The following P2RY10 variants were observed in gnomAD, a reference collection of about 807,000 sequenced individuals.
P2RY10 encodes P2Y receptor family member 10.
In P2RY10, 4 loss-of-function variants were observed where a neutral mutation model predicts 12.1. The ratio of observed to expected loss-of-function variants is 0.33; its 90% CI spans 0.16 to 0.76. The LOEUF is 0.76. P2RY10 is among the 30% of genes least tolerant of loss of function. The pLI is 0.61. For synonymous variants in P2RY10, 112 were observed against 94.1 expected (o/e 1.19, Z -1.10); for missense variants, 233 against 264.6 (o/e 0.88, Z 0.83).
intron 3 of P2RY10, among the ~76,000 whole-genome samples, chrX:78,953,655 G>A (rs1922207490): frequency 1.8e-5 from 2 of 111,088 alleles, no homozygotes; most frequent in South Asian, 7.6e-4. Flanking sequence ...TAATCTAATA[G>A]GGTGACCAAC....
chrX:78,948,301 A>T (rs1490208156), intron 2 of P2RY10, among the ~76,000 whole-genome samples: 1 of 111,945 alleles, frequency 8.9e-6, no homozygotes, highest in Admixed American at 9.5e-5. Context: ...TGCTACAACT[A>T]CACTTCTTAG....
intron 3 of P2RY10, among the ~76,000 whole-genome samples, chrX:78,958,121 A>G (rs760151248): frequency 1.8e-5 from 2 of 112,668 alleles, no homozygotes; most frequent in Non-Finnish European, 3.8e-5. Flanking sequence ...ACAGTGTGGC[A>G]TAAGTAGGGA....
chrX:78,957,379 CACACACACAG>C (rs1207337660), intron 3 of P2RY10, among the ~76,000 whole-genome samples: 7 of 99,261 alleles, frequency 7.1e-5, no homozygotes, highest in East Asian at 3.1e-4. Context: ...CACACACACA[CACACACACAG>C]AGAGAGAGAG....
chrX:78,960,250 A>C (rs377698736), intron 3 of P2RY10, among the ~76,000 whole-genome samples: 1 of 112,234 alleles, frequency 8.9e-6, no homozygotes, highest in South Asian at 3.7e-4. Flanking sequence ...ATTTCAAGAC[A>C]TCTTAGCCTG....
intron 1 of P2RY10, among the ~76,000 whole-genome samples, chrX:78,946,489 G>A (rs1324562312): frequency 8.9e-6 from 1 of 112,242 alleles, no homozygotes; most frequent in East Asian, 2.8e-4. Flanking sequence ...TGGATAGAAT[G>A]ATACCAGATT....
chrX:78,948,829 T>C (rs1186896868), intron 2 of P2RY10, among the ~76,000 whole-genome samples: 1 of 112,279 alleles, frequency 8.9e-6, no homozygotes, highest in African/African-American at 3.2e-5. Flanking sequence ...GAGTATTACA[T>C]AGTGTATATA....
intron 3 of P2RY10, among the ~76,000 whole-genome samples, chrX:78,957,425 G>A (rs1163999250): frequency 9.4e-6 from 1 of 106,682 alleles, no homozygotes; most frequent in East Asian, 2.9e-4. Flanking sequence ...GAGAGGGATG[G>A]GGTGAGGGAA....
chrX:78,956,470 C>T (rs1315673078), intron 3 of P2RY10, among the ~76,000 whole-genome samples: 1 of 110,968 alleles, frequency 9.0e-6, no homozygotes, highest in African/African-American at 3.3e-5. Context: ...TTTATATGTT[C>T]TTTGAATGCT....
At chrX:78,956,654 T>C (rs1462154205) in intron 3 of P2RY10, among the ~76,000 whole-genome samples, 1 of 110,121 alleles carries the variant, frequency 9.1e-6, no homozygotes, top group Non-Finnish European at 1.9e-5. Flanking sequence ...GAGTGTGTAA[T>C]GATGTATAGG....
chrX:78,948,635 G>C (rs1286213116), intron 2 of P2RY10, among the ~76,000 whole-genome samples: 2 of 111,071 alleles, frequency 1.8e-5, no homozygotes, highest in Non-Finnish European at 1.9e-5. Context: ...CCTCTTCTGA[G>C]TCTCTAGATT....
In P2RY10 at chrX:78,961,059, C is replaced by A. The variant is rs1467694554; in HGVS notation, c.539C>A (p.Ser180Tyr). The change falls in exon 4 of 4, where the codon TCC becomes TAC. Residue 180 changes from serine to tyrosine, a missense_variant. By Grantham distance (144) the Ser-to-Tyr change is moderately radical. Coordinates refer to ENST00000171757, the MANE Select transcript of P2RY10 (RefSeq NM_014499.4). ...AGCACAGACTTAAACAACAACAAGT[C>A]CTGCTTTGCTGATCTTGGATACAAG... ...LRSTDLNNNK[S>Y]CFADLGYKQM... 8.3e-7 allele frequency: 1 copy of A among 1,210,886 alleles called. No homozygotes were observed.
chrX:78,952,372 G>A (rs1922144547), intron 3 of P2RY10, 37 bp downstream of exon 3: 2 of 708,139 alleles, frequency 2.8e-6, no homozygotes, highest in Non-Finnish European at 3.3e-6. Context: ...GCTGGCATTG[G>A]AGGCACTGGG....
chrX:78,954,755 C>G (rs1922258202), intron 3 of P2RY10, among the ~76,000 whole-genome samples: 1 of 112,293 alleles, frequency 8.9e-6, no homozygotes, highest in African/African-American at 3.2e-5. Flanking sequence ...AGGACACCCA[C>G]ATAGCAGAAT....
chrX:78,949,089 G>A (rs1921984684), intron 2 of P2RY10, among the ~76,000 whole-genome samples: 1 of 110,204 alleles, frequency 9.1e-6, no homozygotes, highest in African/African-American at 3.3e-5. Context: ...AGCCATTCTT[G>A]CAGTAACGTG....
intron 3 of P2RY10, among the ~76,000 whole-genome samples, chrX:78,954,451 T>C (rs1487834566): frequency 9.0e-6 from 1 of 111,588 alleles, no homozygotes; most frequent in Non-Finnish European, 1.9e-5. Flanking sequence ...AAACCTTGGA[T>C]GTTATTTATC....
intron 2 of P2RY10, among the ~76,000 whole-genome samples, chrX:78,949,707 C>T (rs1362193966): frequency 8.9e-6 from 1 of 112,261 alleles, no homozygotes; most frequent in Non-Finnish European, 1.9e-5. Context: ...ATAATTTTCA[C>T]TTCCTCTAAC....
At chrX:78,950,810 T>G (rs1922071263) in intron 2 of P2RY10, among the ~76,000 whole-genome samples, 2 of 112,238 alleles carry the variant, frequency 1.8e-5, no homozygotes, top group African/African-American at 6.5e-5. Flanking sequence ...TAAAAATAAC[T>G]TTAGCTTTCT....
At chrX:78,956,659 T>C (rs776146554) in intron 3 of P2RY10, among the ~76,000 whole-genome samples, 6 of 110,544 alleles carry the variant, frequency 5.4e-5, no homozygotes, top group African/African-American at 2.0e-4. Context: ...TGTAATGATG[T>C]ATAGGATTAC....
intron 2 of P2RY10, among the ~76,000 whole-genome samples, chrX:78,949,492 A>T (rs865835472): frequency 1.8e-5 from 2 of 111,998 alleles, no homozygotes; most frequent in Non-Finnish European, 3.8e-5. Context: ...GACAATTGAG[A>T]CATGATATGA....
Sources: gnomAD v4.1 joint callset for allele counts (sites outside exome capture counted in the v4.1 genomes callset) on GRCh38, gnomAD v4.1.1 for gene constraint, MANE v1.5 for transcripts, NCBI Gene and HGNC (gene_info 2026-07-23, HGNC 2026-07-21) for gene names.